The following SCIMP variants were observed in gnomAD, a reference collection of about 807,000 sequenced individuals.
The protein encoded by SCIMP is SLP adaptor and CSK interacting membrane protein.
Under a neutral mutation model 22.0 loss-of-function variants are expected in SCIMP, and 18 were observed. The ratio of observed to expected loss-of-function variants is 0.82; its 90% confidence interval spans 0.56 to 1.21. The LOEUF is 1.21. SCIMP is among the 50% of genes most tolerant of loss of function. The pLI is 0.00. For synonymous variants in SCIMP, 53 were observed against 62.2 expected (o/e 0.85, Z 0.70); for missense variants, 155 against 171.2 (o/e 0.91, Z 0.53).
chr17:5,220,413 C>A (rs982498379), intron 3 of SCIMP, among the ~76,000 whole-genome samples: 2 of 106,784 alleles, frequency 1.9e-5, no homozygotes, highest in African/African-American at 7.5e-5. Context: ...GCCTGGGCAA[C>A]ATAGCAAGAC....
Position 5,214,926 on chromosome 17 carries a change from A to T in SCIMP, c.282T>A (p.Ser94=). 6.3e-7 allele frequency: 1 copy of T among 1,575,460 alleles called. No homozygotes were observed. The highest frequency in any genetic ancestry group is 8.7e-7 in the Non-Finnish European group (1 of 1,145,032). Residue 94 remains serine (S), a splice_region_variant and synonymous_variant, in exon 4 of 5, where the codon TCT becomes TCA. Coordinates refer to ENST00000574081, the MANE Select transcript of SCIMP (RefSeq NM_207103.3). ...PPRNWPSLED[S]SPQEAPSQPP... is the part of the protein sequence containing the mutation. Reference sequence around the variant, plus strand: ...CTGCTACCAGTAAAATATACTTACAAGAGTCTTCTAGAGAAGGCCAATTCC... The same window carrying T: ...CTGCTACCAGTAAAATATACTTACATGAGTCTTCTAGAGAAGGCCAATTCC...
intron 1 of SCIMP, among the ~76,000 whole-genome samples, chr17:5,232,104 G>A (rs1222639340): frequency 3.3e-5 from 5 of 152,056 alleles, no homozygotes; most frequent in African/African-American, 4.8e-5. Context: ...CTTACTGTGC[G>A]ATGAGCAGAA....
At position 5,226,980 on chromosome 17, in the gene SCIMP, G is replaced by A. The variant is rs558415291; in HGVS notation, c.22-3524C>T. Reference sequence around the variant, plus strand: ...GGAAGCCCTGGGGAAGGATGATAGAGAGTACAGAAAACAGGGAGTACACAA... The same window carrying A: ...GGAAGCCCTGGGGAAGGATGATAGAAAGTACAGAAAACAGGGAGTACACAA... On this transcript the variant is annotated intron_variant, in intron 1 of 4. Coordinates refer to ENST00000574081, the MANE Select transcript of SCIMP (RefSeq NM_207103.3). Among the ~76,000 whole-genome samples the A allele has an allele frequency of 3.4e-4, 52 of 152,168 alleles. No individual in the cohort carries two copies. The East Asian group carries it at 5.0e-3, about 15-fold the overall frequency.
At chr17:5,233,659 C>A (rs893795118) in intron 1 of SCIMP, among the ~76,000 whole-genome samples, 1 of 152,282 alleles carries the variant, frequency 6.6e-6, no homozygotes, top group Admixed American at 6.5e-5. Flanking sequence ...GCGTGAGCCA[C>A]CATGCCCCGC....
chr17:5,213,059 C>T (rs1470113179), intron 4 of SCIMP: 7 of 712,570 alleles, frequency 9.8e-6, no homozygotes, highest in South Asian at 5.9e-5. Context: ...GAAAATCCAG[C>T]GAGGCAAAGA....
intron 1 of SCIMP, among the ~76,000 whole-genome samples, chr17:5,228,499 G>C (rs1432220110): frequency 6.6e-6 from 1 of 151,972 alleles, no homozygotes; most frequent in Non-Finnish European, 1.5e-5. Flanking sequence ...TTAAAAATTT[G>C]CCAGGCAAGG....
Position 5,211,045 on chromosome 17 carries a change from A to G in SCIMP, c.284-90T>C. The G allele has an allele frequency of 2.0e-6, 3 of 1,512,038 alleles. No individual in the cohort carries two copies. The South Asian group carries it at 4.1e-5, about 21-fold the overall frequency. The allele number at this position is 1,512,038 out of a possible 1,614,324, so 93.7% of individuals were successfully genotyped here. ...TGGCTCAGCGTGATTTTCACGTTTC[A>G]GTGATCTTCCCACTTCTAGTGGGCC... On this transcript the variant is annotated intron_variant, in intron 4 of 4. Transcript: ENST00000574081.
intron 3 of SCIMP, among the ~76,000 whole-genome samples, chr17:5,218,456 T>C (rs11657276): frequency 1 from 152,090 of 152,094 alleles, 76,043 homozygotes; most frequent in Middle Eastern, 1. Context: ...TCTCCTGCCT[T>C]AGCCTCCCAA....
chr17:5,222,287 T>C (rs2074614431), intron 2 of SCIMP, among the ~76,000 whole-genome samples: 1 of 151,588 alleles, frequency 6.6e-6, no homozygotes, highest in Admixed American at 6.6e-5. Context: ...GAAACGGGGT[T>C]TCACCGTGTT....
intron 1 of SCIMP, among the ~76,000 whole-genome samples, chr17:5,227,126 G>C (rs2074655156): frequency 6.6e-6 from 1 of 152,016 alleles, no homozygotes; most frequent in African/African-American, 2.4e-5. Context: ...ACTACTGAGG[G>C]CTACTGAAGG....
intron 2 of SCIMP, among the ~76,000 whole-genome samples, chr17:5,221,792 G>T (rs1352299408): frequency 6.6e-6 from 1 of 152,150 alleles, no homozygotes. Flanking sequence ...TCTCCCCCCA[G>T]ACAGAGCCTC....
At chr17:5,214,804 C>A in intron 4 of SCIMP, 121 bp downstream of exon 4, 3 of 603,604 alleles carry the variant, frequency 5.0e-6, no homozygotes, top group Non-Finnish European at 8.7e-6. Flanking sequence ...CGTGCCATTG[C>A]ACTCCAGCCT....
At chr17:5,226,150 T>C (rs544097867) in intron 1 of SCIMP, among the ~76,000 whole-genome samples, 28 of 152,300 alleles carry the variant, frequency 1.8e-4, no homozygotes, top group African/African-American at 6.7e-4. Flanking sequence ...AAAGCTGTTG[T>C]ATCTGGATTG....
chr17:5,230,073 C>T (rs1159592448), intron 1 of SCIMP, among the ~76,000 whole-genome samples: 5 of 152,004 alleles, frequency 3.3e-5, no homozygotes, highest in Admixed American at 6.6e-5. Context: ...AGTGATCCTC[C>T]GCCCCAGCCT....
intron 3 of SCIMP, among the ~76,000 whole-genome samples, chr17:5,220,251 C>T (rs2074596005): frequency 1.3e-5 from 2 of 151,924 alleles, no homozygotes; most frequent in Non-Finnish European, 2.9e-5. Flanking sequence ...GCGCTGGGCC[C>T]AGAACACAGA....
intron 3 of SCIMP, 80 bp downstream of exon 3, chr17:5,221,207 G>C: frequency 1.0e-6 from 1 of 1,002,296 alleles, no homozygotes; most frequent in Non-Finnish European, 1.6e-6. Context: ...AGTCATACTG[G>C]TACGGTAGTG....
intron 4 of SCIMP, among the ~76,000 whole-genome samples, chr17:5,211,275 A>T (rs1171422525): frequency 6.6e-6 from 1 of 152,084 alleles, no homozygotes; most frequent in Non-Finnish European, 1.5e-5. Flanking sequence ...TAGTCCCAGT[A>T]CTCTGGGAGG....
intron 3 of SCIMP, among the ~76,000 whole-genome samples, chr17:5,216,741 A>G (rs1192016222): frequency 6.6e-6 from 1 of 152,166 alleles, no homozygotes; most frequent in Non-Finnish European, 1.5e-5. Flanking sequence ...TGCCTTTGGG[A>G]TGTAATGGTT....
At chr17:5,218,387 T>C (rs1431882847) in intron 3 of SCIMP, among the ~76,000 whole-genome samples, 1 of 151,856 alleles carries the variant, frequency 6.6e-6, no homozygotes, top group Non-Finnish European at 1.5e-5. Flanking sequence ...TCACCCAGGC[T>C]GGAGTGCAGT....
Sources: gnomAD v4.1 joint callset for allele counts (sites outside exome capture counted in the v4.1 genomes callset) on GRCh38, gnomAD v4.1.1 for gene constraint, MANE v1.5 for transcripts, NCBI Gene and HGNC (gene_info 2026-07-23, HGNC 2026-07-21) for gene names.